The following NBAS variants were observed in gnomAD, a reference collection of about 807,000 sequenced individuals.
NBAS encodes the protein NAG/BC035112 fusion.
A neutral mutation model predicts 302.5 loss-of-function variants in NBAS; 219 were observed. The observed-to-expected ratio is 0.72, with a 90% CI of 0.65 to 0.81. NBAS has a LOEUF of 0.81. Among genes scored for constraint, NBAS ranks in the 30% least tolerant of loss-of-function variants. The pLI is 0.00. For synonymous variants in NBAS, 1,118 were observed against 1,021.6 expected, an observed-to-expected ratio of 1.09 and a Z score of -1.80; for missense variants, 2,932 against 2,841.6, an observed-to-expected ratio of 1.03 and a Z score of -0.72.
At chr2:14,839,971 G>T in the NBAS span, among the ~76,000 whole-genome samples, 1 of 151,994 alleles carries the variant, frequency 6.6e-6, no homozygotes, top group African/African-American at 2.4e-5. Context: ...GACAGTGAAT[G>T]TAAGCTTTCT....
rs74729893 is a variant in NBAS at position 15,448,430 on chromosome 2, T to G, written c.2339+12771A>C. Among the ~76,000 whole-genome samples, 653 of 152,278 alleles carry G rather than the reference T, an allele frequency of 4.3e-3. 6 individuals are homozygous for G. The highest frequency in any genetic ancestry group is 0.015 in the African/African-American group (619 of 41,552). ...CATAAGTACCTCTACAATCTCCCAT[T>G]TCACACTTGAAGAAACTGAAGCCAA... On this transcript the variant is annotated intron_variant, in intron 21 of 51. Coordinates refer to ENST00000281513, the MANE Select transcript of NBAS (RefSeq NM_015909.4).
the NBAS span, among the ~76,000 whole-genome samples, chr2:14,832,887 G>A: frequency 6.6e-6 from 1 of 152,138 alleles, no homozygotes; most frequent in Non-Finnish European, 1.5e-5. Flanking sequence ...TCCCATGGAA[G>A]GCAAAATTGT....
chr2:15,018,050 CA>C, the NBAS span, among the ~76,000 whole-genome samples: 2 of 151,910 alleles, frequency 1.3e-5, no homozygotes, highest in African/African-American at 4.8e-5. Context: ...GAAATTTGAA[CA>C]TGCATGTTTT....
Position 15,356,407 on chromosome 2 carries a change from G to A in NBAS, c.3827C>T (p.Pro1276Leu). The change falls in exon 33 of 52, where the codon CCA becomes CTA. Residue 1276 changes from proline to leucine, a missense_variant. Physicochemically the swap from Pro to Leu is moderately conservative, Grantham distance 98. Coordinates refer to ENST00000281513, the MANE Select transcript of NBAS (RefSeq NM_015909.4). ...AELLRVAGEN[P>L]EERRGQVLIL... ...TAGAACCTGTCCCCGCCTTTCTTCTGGGTTCTCACCTGTAAGTCCAAGCAA... is the reference window on the plus strand; with the variant it reads ...TAGAACCTGTCCCCGCCTTTCTTCTAGGTTCTCACCTGTAAGTCCAAGCAA... 1 of 1,613,414 alleles carries A rather than the reference G, an allele frequency of 6.2e-7. No homozygotes were observed. The highest frequency in any genetic ancestry group is 8.5e-7 in the Non-Finnish European group (1 of 1,179,476).
At chr2:15,400,667 T>TA (rs1403858996) in intron 26 of NBAS, among the ~76,000 whole-genome samples, 7 of 152,198 alleles carry the variant, frequency 4.6e-5, no homozygotes, top group African/African-American at 1.4e-4. Flanking sequence ...GCTTATCAGC[T>TA]GATATTACTA....
At chr2:15,540,729 G>GTT in intron 6 of NBAS, among the ~76,000 whole-genome samples, 1 of 146,272 alleles carries the variant, frequency 6.8e-6, no homozygotes, top group South Asian at 2.2e-4. Flanking sequence ...TTTGTTTTTT[G>GTT]TTTTTTTTTT....
chr2:15,330,495 A>G (rs1006264449), intron 36 of NBAS, 103 bp downstream of exon 36: 19 of 1,460,744 alleles, frequency 1.3e-5, no homozygotes, highest in Admixed American at 7.5e-5. Context: ...TGTTTTAACA[A>G]TCTAGAGAAG....
intron 9 of NBAS, among the ~76,000 whole-genome samples, chr2:15,529,192 T>C (rs182736627): frequency 1.3e-5 from 2 of 151,934 alleles, no homozygotes; most frequent in Non-Finnish European, 2.9e-5. Flanking sequence ...GAGGTATTAA[T>C]AACTACACTT....
the NBAS span, among the ~76,000 whole-genome samples, chr2:14,940,396 C>T: frequency 4.5e-4 from 69 of 152,272 alleles, no homozygotes; most frequent in East Asian, 9.8e-3. Context: ...CTTCCCCTTC[C>T]GCCATGATTA....
At chr2:15,440,228 C>T (rs975702280) in intron 21 of NBAS, among the ~76,000 whole-genome samples, 5 of 152,214 alleles carry the variant, frequency 3.3e-5, no homozygotes, top group African/African-American at 1.2e-4. Flanking sequence ...TGACCCCTGA[C>T]CCCCGAGCAG....
chr2:15,043,975 C>T, the NBAS span, among the ~76,000 whole-genome samples: 1 of 152,152 alleles, frequency 6.6e-6, no homozygotes, highest in Non-Finnish European at 1.5e-5. Context: ...AGCACATGGG[C>T]CAGTACCTGG....
chr2:14,945,821 C>A, the NBAS span, among the ~76,000 whole-genome samples: 1 of 152,182 alleles, frequency 6.6e-6, no homozygotes, highest in Non-Finnish European at 1.5e-5. Context: ...TGGCTCACAC[C>A]TGTAATATTA....
At chr2:14,969,317 T>G in the NBAS span, among the ~76,000 whole-genome samples, 1 of 152,214 alleles carries the variant, frequency 6.6e-6, no homozygotes, top group African/African-American at 2.4e-5. Context: ...CTAAAACCAT[T>G]GATCACATAC....
the NBAS span, among the ~76,000 whole-genome samples, chr2:14,890,974 T>C: frequency 6.6e-6 from 1 of 152,248 alleles, no homozygotes; most frequent in South Asian, 2.1e-4. Context: ...CAAATCTTTT[T>C]TAGAATAAAA....
chr2:15,418,518 C>G (rs940733261), intron 23 of NBAS, among the ~76,000 whole-genome samples: 1 of 152,300 alleles, frequency 6.6e-6, no homozygotes, highest in South Asian at 2.1e-4. Flanking sequence ...GAGGTCTCTT[C>G]CTTCAAAGAT....
chr2:15,142,669 T>C, the NBAS span, among the ~76,000 whole-genome samples: 2 of 152,326 alleles, frequency 1.3e-5, no homozygotes, highest in African/African-American at 2.4e-5. Flanking sequence ...GAAGGGGCTA[T>C]TTCCACGGTG....
intron 21 of NBAS, among the ~76,000 whole-genome samples, chr2:15,437,556 A>G (rs1464011002): frequency 6.6e-6 from 1 of 152,230 alleles, no homozygotes; most frequent in Non-Finnish European, 1.5e-5. Context: ...TGTGACTAGG[A>G]AGACAATGGT....
At chr2:14,857,719 C>T in the NBAS span, among the ~76,000 whole-genome samples, 1 of 152,098 alleles carries the variant, frequency 6.6e-6, no homozygotes, top group Non-Finnish European at 1.5e-5. Context: ...TATGGAACTA[C>T]TGAAAGAAAA....
In NBAS at chr2:15,353,570, T is replaced by A. The variant is rs1197033374; in HGVS notation, c.4072A>T (p.Ser1358Cys). The A allele has an allele frequency of 1.2e-6, 2 of 1,614,046 alleles. No individual in the cohort carries two copies. The highest frequency in any genetic ancestry group is 1.7e-5 in the Admixed American group (1 of 60,016). The change falls in exon 34 of 52, where the codon AGC becomes TGC. Residue 1358 changes from serine to cysteine, a missense_variant. Transcript: ENST00000281513. ...GGACTTACTTCTGTCTGCAGAGAGC[T>A]GCTAGCTGCCAAAAGAAGTTCAATG... ...SSIELLLAAS[S>C]SLQTEILYQR...
Sources: allele counts gnomAD v4.1 joint callset (sites outside exome capture counted in the v4.1 genomes callset), GRCh38; gene constraint gnomAD v4.1.1; transcripts MANE v1.5; gene names NCBI Gene and HGNC (gene_info 2026-07-23, HGNC 2026-07-21).